The following TULP4 variants were observed in gnomAD, a reference collection of about 807,000 sequenced individuals.
TULP4 encodes the protein tubby-related protein 4.
A neutral mutation model predicts 129.0 loss-of-function variants in TULP4; 16 were observed. The observed-to-expected ratio is 0.12, with a 90% CI of 0.08 to 0.19. TULP4 has a LOEUF of 0.19. Among genes scored for constraint, TULP4 ranks in the 10% least tolerant of loss-of-function variants. TULP4 has a pLI of 1.00. For synonymous variants in TULP4, 998 were observed against 854.0 expected (o/e 1.17, Z -2.94); for missense variants, 1,842 against 2,059.1 (o/e 0.89, Z 2.04).
At chr6:158,278,736 TA>T (rs747313621), upstream of TULP4, among the ~76,000 whole-genome samples, 2 of 152,178 alleles carry the variant, frequency 1.3e-5, no homozygotes, top group African/African-American at 4.8e-5. Flanking sequence ...TTGATTCTGA[TA>T]TTTTTCCCCT....
intron 4 of TULP4, 28 bp from the exon 5 acceptor site, chr6:158,452,105 CT>C: frequency 1.2e-6 from 2 of 1,610,590 alleles, no homozygotes; most frequent in Non-Finnish European, 1.7e-6. Flanking sequence ...TGCTTCCCTC[CT>C]TTTCACTTGG....
rs1440274902 is a variant in TULP4 at position 158,510,594 on chromosome 6, T to C, written c.*3900T>C. 2 of 152,246 alleles carry C rather than the reference T, an allele frequency of 1.3e-5. No homozygotes were observed. 9.4% of individuals were successfully genotyped at this position (152,246 alleles called of 1,614,324 possible). ...TTTCCTGTGTTAATGAGCTATGTAC[T>C]GAATATAAACCAGTGCATTTAAAGT... On this transcript the variant is annotated 3_prime_UTR_variant, in exon 14 of 14. Transcript: ENST00000367097.
rs114846181 is a variant in TULP4, at chr6:158,407,948, A to T, written c.253-5117A>T. Among the ~76,000 whole-genome samples the T allele has an allele frequency of 9.2e-3, 1,404 of 152,370 alleles. 16 individuals are homozygous for T. Among genetic ancestry groups the T allele is most frequent in the African/African-American group, 0.032 (1,344 of 41,588 alleles). ...AATATACTAATAACCATTGCATTGT[A>T]CACTGACAATGGGTGAATTACATAT... is the stretch of plus-strand genomic sequence containing the variant. On this transcript the variant is annotated intron_variant, in intron 1 of 13. Coordinates refer to ENST00000367097, the MANE Select transcript of TULP4 (RefSeq NM_020245.5).
At chr6:158,326,927 A>G (rs1583751178) in intron 1 of TULP4, among the ~76,000 whole-genome samples, 1 of 152,204 alleles carries the variant, frequency 6.6e-6, no homozygotes, top group Non-Finnish European at 1.5e-5. Context: ...CCATGTTTAT[A>G]TGGAGAGGAT....
chr6:158,323,059 C>A (rs570164318), intron 1 of TULP4, among the ~76,000 whole-genome samples: 3 of 152,158 alleles, frequency 2.0e-5, no homozygotes, highest in Non-Finnish European at 4.4e-5. Flanking sequence ...AAGGACACTT[C>A]GTTCCCCAGC....
chr6:158,279,952 C>T (rs191175950), upstream of TULP4, among the ~76,000 whole-genome samples: 5 of 152,300 alleles, frequency 3.3e-5, no homozygotes, highest in East Asian at 5.8e-4. Context: ...CTTTACGGCG[C>T]GGCTAAACGT....
intron 1 of TULP4, among the ~76,000 whole-genome samples, chr6:158,316,918 G>A (rs1779505299): frequency 1.3e-5 from 2 of 152,208 alleles, no homozygotes; most frequent in African/African-American, 4.8e-5. Flanking sequence ...ACAGCATGCA[G>A]TTTGCTTCTT....
chr6:158,275,954 A>T (rs9459888), intron 1 of TULP4, among the ~76,000 whole-genome samples: 4,320 of 152,214 alleles, frequency 0.028, 68 homozygotes, highest in African/African-American at 0.042. Context: ...TAAAGACTGT[A>T]ATAAACTAGG....
chr6:158,275,815 GTCAT>G (rs1778636375), intron 1 of TULP4, among the ~76,000 whole-genome samples: 1 of 152,154 alleles, frequency 6.6e-6, no homozygotes, highest in Non-Finnish European at 1.5e-5. Flanking sequence ...ACAGTAACTC[GTCAT>G]CTTATTTAAG....
At chr6:158,430,471 G>A (rs373191471) in intron 3 of TULP4, among the ~76,000 whole-genome samples, 3 of 152,188 alleles carry the variant, frequency 2.0e-5, no homozygotes, top group East Asian at 3.8e-4. Flanking sequence ...GGCCAGGCAC[G>A]GTGGCTCACG....
chr6:158,332,794 G>A (rs1480691628), intron 1 of TULP4, among the ~76,000 whole-genome samples: 1 of 152,090 alleles, frequency 6.6e-6, no homozygotes. Context: ...TCATCTTGTG[G>A]TGTCCCTCTA....
intron 1 of TULP4, among the ~76,000 whole-genome samples, chr6:158,303,154 AG>A (rs1779158369): frequency 6.6e-6 from 1 of 151,314 alleles, no homozygotes; most frequent in Non-Finnish European, 1.5e-5. Flanking sequence ...AGCCCATCCT[AG>A]GACCCCGTGT....
chr6:158,444,353 G>A (rs543879969), intron 3 of TULP4, among the ~76,000 whole-genome samples: 1 of 144,182 alleles, frequency 6.9e-6, no homozygotes, highest in African/African-American at 2.6e-5. Flanking sequence ...TCTATCTGCA[G>A]CTACACATGC....
chr6:158,288,092 G>A (rs1032012109), intron 1 of TULP4, among the ~76,000 whole-genome samples: 2 of 152,126 alleles, frequency 1.3e-5, no homozygotes, highest in African/African-American at 4.8e-5. Context: ...TCAACTTCAG[G>A]CAAGTTGCTC....
chr6:158,261,809 G>C (rs1464513761), intron 1 of TULP4, among the ~76,000 whole-genome samples: 1 of 152,054 alleles, frequency 6.6e-6, no homozygotes, highest in Non-Finnish European at 1.5e-5. Flanking sequence ...TTTAGCCTCA[G>C]AGTTCCTCAC....
intron 1 of TULP4, chr6:158,242,094 C>T: frequency 1.2e-6 from 1 of 818,478 alleles, no homozygotes. Context: ...GTTGCAGAGC[C>T]TCCTCTGTTT....
At chr6:158,311,920 A>G, upstream of TULP4, 1 of 390,872 alleles carries the variant, frequency 2.6e-6, no homozygotes, top group Non-Finnish European at 4.5e-6. Flanking sequence ...CATTCAGTGC[A>G]GTCAGTAGCT....
At chr6:158,397,097 A>C (rs570806812) in intron 1 of TULP4, among the ~76,000 whole-genome samples, 1 of 152,318 alleles carries the variant, frequency 6.6e-6, no homozygotes, top group Non-Finnish European at 1.5e-5. Flanking sequence ...AACCAGAGGG[A>C]ATCCATGGGA....
chr6:158,407,024 G>C (rs573946354), intron 1 of TULP4, among the ~76,000 whole-genome samples: 1 of 152,176 alleles, frequency 6.6e-6, no homozygotes, highest in Non-Finnish European at 1.5e-5. Flanking sequence ...TTCATTCACA[G>C]ATTCTTGCCA....
Sources: allele counts gnomAD v4.1 joint callset (sites outside exome capture counted in the v4.1 genomes callset), GRCh38; gene constraint gnomAD v4.1.1; transcripts MANE v1.5; gene names NCBI Gene and HGNC (gene_info 2026-07-23, HGNC 2026-07-21).